The following CD38 variants were observed in gnomAD, a reference collection of about 807,000 sequenced individuals.
CD38 encodes the protein ADP-ribosyl cyclase/cyclic ADP-ribose hydrolase 1.
Under a neutral mutation model 36.3 loss-of-function variants are expected in CD38, and 31 were observed. The observed-to-expected ratio is 0.85, with a 90% CI of 0.64 to 1.15. The LOEUF is 1.15. Among genes scored for constraint, CD38 ranks in the 50% most tolerant of loss-of-function variants. CD38 has a pLI of 0.00. For synonymous variants in CD38, 131 were observed against 135.2 expected, an observed-to-expected ratio of 0.97 and a Z score of 0.22; for missense variants, 380 against 371.9, an observed-to-expected ratio of 1.02 and a Z score of -0.18.
intron 2 of CD38, among the ~76,000 whole-genome samples, chr4:15,818,676 G>A (rs530695018): frequency 1.3e-5 from 2 of 152,190 alleles, no homozygotes; most frequent in Admixed American, 6.5e-5. Context: ...CATCTTTGCT[G>A]TTCTGTAGCC....
At chr4:15,792,468 G>GAATGAAACAAGAAAAAAAAAA (rs1723025638) in intron 1 of CD38, among the ~76,000 whole-genome samples, 3 of 142,492 alleles carry the variant, frequency 2.1e-5, no homozygotes, top group African/African-American at 8.0e-5. Flanking sequence ...GAAAAAAAAA[G>GAATGAAACAAGAAAAAAAAAA]AAAAGAAAAG....
Position 15,838,120 on chromosome 4 carries a change from A to T in CD38, c.614A>T (p.His205Leu). Residue 205 changes from histidine to leucine, a missense_variant, in exon 5 of 8, where the codon CAT becomes CTT. His to Leu is a moderately conservative substitution (Grantham distance 99). Transcript: ENST00000226279. ...RFAEAACDVV[H>L]VMLNGSRSKI... ...GCAGAAGCTGCCTGTGATGTGGTCC[A>T]TGTGATGCTCAATGGATCCCGCAGT... 1 of 1,613,914 alleles carries T rather than the reference A, an allele frequency of 6.2e-7. No homozygotes were observed. The highest frequency in any genetic ancestry group is 1.6e-4 in the Middle Eastern group (1 of 6,062).
intron 7 of CD38, among the ~76,000 whole-genome samples, chr4:15,846,043 AT>A (rs1724261062): frequency 2.1e-5 from 1 of 47,028 alleles, no homozygotes; most frequent in Non-Finnish European, 3.4e-5. Flanking sequence ...TCTTCACAGA[AT>A]TGGAAAAAAC....
chr4:15,820,675 C>T (rs114068649), intron 2 of CD38, among the ~76,000 whole-genome samples: 3,473 of 151,852 alleles, frequency 0.023, 59 homozygotes, highest in Non-Finnish European at 0.035. Flanking sequence ...ACAGGAACAC[C>T]GAGATTCATA....
At chr4:15,830,856 C>T (rs1055560446) in intron 3 of CD38, among the ~76,000 whole-genome samples, 2 of 152,148 alleles carry the variant, frequency 1.3e-5, no homozygotes, top group South Asian at 2.1e-4. Context: ...AGAGTTTAGT[C>T]CATTTACATT....
At chr4:15,793,630 T>G (rs1168186618) in intron 1 of CD38, among the ~76,000 whole-genome samples, 1 of 152,210 alleles carries the variant, frequency 6.6e-6, no homozygotes, top group Non-Finnish European at 1.5e-5. Context: ...GATACCTTAA[T>G]TAAAGGATCT....
At chr4:15,805,721 G>A (rs1056907949) in intron 1 of CD38, among the ~76,000 whole-genome samples, 1 of 152,214 alleles carries the variant, frequency 6.6e-6, no homozygotes, top group Admixed American at 6.5e-5. Flanking sequence ...AGCCTGAAGA[G>A]TTTTCTGATT....
At chr4:15,823,959 ATAT>A (rs1205650015) in intron 2 of CD38, among the ~76,000 whole-genome samples, 1 of 152,200 alleles carries the variant, frequency 6.6e-6, no homozygotes, top group Non-Finnish European at 1.5e-5. Flanking sequence ...ACACCATGAA[ATAT>A]TATGCAGCCA....
At position 15,845,963 on chromosome 4, in the gene CD38, G is replaced by C. The variant is rs1229720512; in HGVS notation, c.840-2576G>C. 1.2e-4 allele frequency among the ~76,000 whole-genome samples: 12 copies of C among 103,226 alleles called. 2 individuals are homozygous for C. The South Asian group carries it at 1.3e-3, about 11-fold the overall frequency. 67.7% of individuals were successfully genotyped at this position (103,226 alleles called of 152,430 possible). On this transcript the variant is annotated intron_variant, in intron 7 of 7. Transcript: ENST00000226279. The stretch of plus-strand genomic sequence containing the variant: ...CTCATGGGTAGGAAGAATCAATATC[G>C]TGAAAATGGCCATACTGCCCAAGGT...
At chr4:15,802,697 C>T (rs1577642625) in intron 1 of CD38, among the ~76,000 whole-genome samples, 1 of 152,036 alleles carries the variant, frequency 6.6e-6, no homozygotes, top group African/African-American at 2.4e-5. Context: ...GCTAGAATTA[C>T]AGACATGCAC....
intron 7 of CD38, among the ~76,000 whole-genome samples, chr4:15,841,900 G>A (rs1270036601): frequency 1.6e-5 from 2 of 128,456 alleles, no homozygotes; most frequent in East Asian, 2.2e-4. Context: ...ACCTGGCTCA[G>A]AGGGTCCTAC....
In CD38 at chr4:15,840,758, G is replaced by A. The variant is rs981146151; in HGVS notation, c.839+220G>A. Among the ~76,000 whole-genome samples, 27 of 152,026 alleles carry A rather than the reference G, an allele frequency of 1.8e-4. 1 individual carries two copies. Among genetic ancestry groups the A allele is most frequent in the Admixed American group, 1.3e-3 (20 of 15,256 alleles). ...TTCACTTGGCTGCCTTTCCTCATCC[G>A]TCTCTATTGATCCCAAGTAGGACTT... On this transcript the variant is annotated intron_variant, in intron 7 of 7. Coordinates refer to ENST00000226279, the MANE Select transcript of CD38 (RefSeq NM_001775.4).
At chr4:15,801,941 G>A (rs1056471108) in intron 1 of CD38, among the ~76,000 whole-genome samples, 8 of 152,110 alleles carry the variant, frequency 5.3e-5, no homozygotes, top group African/African-American at 1.9e-4. Flanking sequence ...GGAAGTTCTA[G>A]CCAGAGCAAT....
intron 7 of CD38, among the ~76,000 whole-genome samples, chr4:15,841,755 A>G (rs1428348632): frequency 6.8e-6 from 1 of 147,604 alleles, no homozygotes; most frequent in Admixed American, 6.7e-5. Flanking sequence ...TGGGAAGCGC[A>G]AGGGGTCAGG....
intron 1 of CD38, among the ~76,000 whole-genome samples, chr4:15,792,438 A>G (rs1197065455): frequency 6.9e-6 from 1 of 144,108 alleles, no homozygotes; most frequent in East Asian, 2.0e-4. Context: ...AAAATAAAAT[A>G]AAAAAAAGGA....
In CD38 at chr4:15,851,815, C is replaced by G. The variant is rs1408987714; in HGVS notation, c.*3213C>G. The G allele has an allele frequency of 5.3e-5, 8 of 152,210 alleles. No individual in the cohort carries two copies. The highest frequency in any genetic ancestry group is 1.7e-4 in the African/African-American group (7 of 41,450). 9.4% of individuals were successfully genotyped at this position (152,210 alleles called of 1,614,324 possible). A position where few individuals can be genotyped will look rare whatever the true frequency, so the allele number is the denominator to read the frequency against. On this transcript the variant is annotated 3_prime_UTR_variant, in exon 8 of 8. Transcript: ENST00000226279. The stretch of plus-strand genomic sequence containing the variant: ...GTGAACATCATAGAGTGTACTTACA[C>G]TAACCTAGATGGTCTAACCTACTAC...
At chr4:15,827,596 G>A (rs1400239372) in intron 3 of CD38, among the ~76,000 whole-genome samples, 3 of 151,710 alleles carry the variant, frequency 2.0e-5, no homozygotes, top group African/African-American at 7.3e-5. Context: ...TTTTAACAAT[G>A]ACTGTTTTAT....
At chr4:15,839,415 C>CTTTTTTTTTTT (rs560134404) in intron 5 of CD38, among the ~76,000 whole-genome samples, 2 of 88,072 alleles carry the variant, frequency 2.3e-5, no homozygotes, top group African/African-American at 5.0e-5. Context: ...TTCTACATTT[C>CTTTTTTTTTTT]TTTTTTTTTT....
intron 1 of CD38, among the ~76,000 whole-genome samples, chr4:15,795,716 T>C (rs1447614167): frequency 2.0e-5 from 3 of 152,136 alleles, no homozygotes; most frequent in African/African-American, 7.2e-5. Flanking sequence ...TATTATACGA[T>C]GTTTTAAAAA....
Sources: allele counts gnomAD v4.1 joint callset (sites outside exome capture counted in the v4.1 genomes callset), GRCh38; gene constraint gnomAD v4.1.1; transcripts MANE v1.5; gene names NCBI Gene and HGNC (gene_info 2026-07-23, HGNC 2026-07-21).